The following IDO2 variants were observed in gnomAD, a reference collection of about 807,000 sequenced individuals.
The protein encoded by IDO2 is indoleamine 2,3-dioxygenase-like 1 protein.
Under a neutral mutation model 45.1 loss-of-function variants are expected in IDO2, and 46 were observed. The observed-to-expected ratio is 1.02, with a 90% CI of 0.80 to 1.30. The LOEUF (loss-of-function observed/expected upper bound fraction) is 1.30. Ranked by LOEUF, IDO2 falls within the 50% of genes most tolerant of loss-of-function variation. The pLI is 0.00. For synonymous variants in IDO2, 218 were observed against 184.9 expected (o/e 1.18, Z -1.45); for missense variants, 544 against 491.8 (o/e 1.11, Z -1.00).
intron 1 of IDO2, among the ~76,000 whole-genome samples, chr8:39,937,456 T>A (rs967895668): frequency 1.3e-5 from 2 of 152,162 alleles, no homozygotes; most frequent in African/African-American, 4.8e-5. Context: ...GGAATGAACT[T>A]TATGTAATGT....
chr8:39,997,297 C>A (rs564103919), intron 8 of IDO2, among the ~76,000 whole-genome samples: 1 of 151,898 alleles, frequency 6.6e-6, no homozygotes, highest in Admixed American at 6.6e-5. Context: ...TTGTAATATA[C>A]AATACATGCA....
rs564532867 is a variant in IDO2, at chr8:39,994,623, C to A, written c.667+4785C>A. Among the ~76,000 whole-genome samples the A allele has an allele frequency of 4.0e-5, 6 of 151,292 alleles. No individual in the cohort carries two copies. The East Asian group carries it at 1.2e-3, about 29-fold the overall frequency. On this transcript the variant is annotated intron_variant, in intron 8 of 10. Coordinates refer to ENST00000502986, the Ensembl canonical transcript of IDO2. The stretch of plus-strand genomic sequence containing the variant: ...AAACTCCGATTAGCCCAAATATGCC[C>A]CAGTGGGTCCTTCTGGCAGAGTAAA...
chr8:40,006,524 T>C (rs1802223853), intron 9 of IDO2, among the ~76,000 whole-genome samples: 1 of 152,204 alleles, frequency 6.6e-6, no homozygotes, highest in Non-Finnish European at 1.5e-5. Context: ...CAGTCTAATG[T>C]ATTTTGTTGT....
At chr8:39,991,012 C>T (rs568475553) in intron 8 of IDO2, among the ~76,000 whole-genome samples, 1 of 152,190 alleles carries the variant, frequency 6.6e-6, no homozygotes, top group African/African-American at 2.4e-5. Context: ...TCTTGCTTCC[C>T]TGCAGGAAAG....
chr8:39,975,673 T>C (rs928250745), intron 3 of IDO2, among the ~76,000 whole-genome samples: 1 of 152,232 alleles, frequency 6.6e-6, no homozygotes, highest in Non-Finnish European at 1.5e-5. Flanking sequence ...TTTTATTCAC[T>C]GTGGGTACAA....
chr8:40,013,703 C>G (rs754712601), exon 10 of IDO2: 1 of 1,604,736 alleles, frequency 6.2e-7, no homozygotes, highest in Admixed American at 1.7e-5. Context: ...TTCGTCATAG[C>G]AAGGAAAGTG....
intron 9 of IDO2, among the ~76,000 whole-genome samples, chr8:40,012,301 C>A (rs945403578): frequency 5.3e-4 from 81 of 152,230 alleles, no homozygotes; most frequent in African/African-American, 1.7e-3. Context: ...AGACGATATT[C>A]CTTAGTAAAA....
chr8:39,985,075 G>T (rs1017364292), intron 5 of IDO2: 5 of 308,406 alleles, frequency 1.6e-5, no homozygotes, highest in Non-Finnish European at 3.1e-5. Flanking sequence ...GGGATTGCAG[G>T]CACCTACCAC....
At chr8:39,942,413 G>A (rs1473488097) in intron 1 of IDO2, among the ~76,000 whole-genome samples, 3 of 152,172 alleles carry the variant, frequency 2.0e-5, no homozygotes, top group African/African-American at 7.2e-5. Context: ...GGAGGTTGAG[G>A]CAGGCAGATC....
At chr8:39,949,558 A>G (rs1295638649) in intron 2 of IDO2, among the ~76,000 whole-genome samples, 1 of 152,230 alleles carries the variant, frequency 6.6e-6, no homozygotes, top group East Asian at 1.9e-4. Flanking sequence ...ATGAACTTAA[A>G]TATAAATAAA....
intron 10 of IDO2, among the ~76,000 whole-genome samples, chr8:40,015,046 C>T (rs1271779238): frequency 6.6e-6 from 1 of 152,080 alleles, no homozygotes; most frequent in African/African-American, 2.4e-5. Context: ...GTTTCAGCTA[C>T]TCAGAAGACT....
exon 10 of IDO2, chr8:40,013,701 A>C: frequency 2.5e-6 from 4 of 1,606,702 alleles, no homozygotes; most frequent in Non-Finnish European, 3.4e-6. Context: ...CATTCGTCAT[A>C]GCAAGGAAAG....
chr8:39,958,362 C>T (rs535416097), intron 2 of IDO2, among the ~76,000 whole-genome samples: 6 of 151,850 alleles, frequency 4.0e-5, no homozygotes, highest in Admixed American at 1.3e-4. Flanking sequence ...GCCTCCCGAA[C>T]AGCTGGGGTT....
chr8:39,987,295 G>A (rs1808440662), intron 6 of IDO2: 1 of 152,242 alleles, frequency 6.6e-6, no homozygotes, highest in Admixed American at 6.6e-5. Context: ...AAGGATCTCT[G>A]AGTCAATTAC....
chr8:39,963,584 T>C, intron 2 of IDO2, 24 bp from the exon 3 acceptor site: 1 of 1,448,938 alleles, frequency 6.9e-7, no homozygotes, highest in Non-Finnish European at 9.6e-7. Context: ...CTAAAATATT[T>C]ACATGTTTCT....
chr8:39,974,210 A>G (rs1236063682), intron 3 of IDO2, among the ~76,000 whole-genome samples: 2 of 152,204 alleles, frequency 1.3e-5, no homozygotes, highest in Non-Finnish European at 2.9e-5. Flanking sequence ...CAAGGGAACC[A>G]AAAACTTAAT....
intron 9 of IDO2, among the ~76,000 whole-genome samples, chr8:40,009,003 T>TTG (rs1429455884): frequency 7.9e-6 from 1 of 127,148 alleles, no homozygotes; most frequent in East Asian, 2.1e-4. Context: ...GATTTATTAT[T>TTG]TATATTTATT....
intron 3 of IDO2, among the ~76,000 whole-genome samples, chr8:39,964,281 C>A (rs1246055420): frequency 6.6e-6 from 1 of 152,172 alleles, no homozygotes. Flanking sequence ...TTTGTACCAA[C>A]CTAATAGCTA....
intron 3 of IDO2, among the ~76,000 whole-genome samples, chr8:39,965,690 A>C (rs1017634644): frequency 1.3e-5 from 2 of 152,142 alleles, no homozygotes; most frequent in Non-Finnish European, 2.9e-5. Flanking sequence ...CCTTATAAGA[A>C]GAGGAAAAAT....
Sources: allele counts gnomAD v4.1 joint callset (sites outside exome capture counted in the v4.1 genomes callset), GRCh38; gene constraint gnomAD v4.1.1; transcripts MANE v1.5; gene names NCBI Gene and HGNC (gene_info 2026-07-23, HGNC 2026-07-21).